CCDC27: variants seen among roughly 807,000 people sequenced by gnomAD.
CCDC27 encodes the protein coiled-coil domain containing 27.
A neutral mutation model predicts 80.3 loss-of-function variants in CCDC27; 80 were observed. The ratio of observed to expected loss-of-function variants is 1.00; its 90% CI spans 0.83 to 1.20. CCDC27 has a LOEUF of 1.20. Among genes scored for constraint, CCDC27 ranks in the 50% most tolerant of loss-of-function variants. The pLI is 0.00. For synonymous variants in CCDC27, 342 were observed against 334.3 expected, an observed-to-expected ratio of 1.02 and a Z score of -0.25; for missense variants, 815 against 809.4, an observed-to-expected ratio of 1.01 and a Z score of -0.08.
intron 4 of CCDC27, among the ~76,000 whole-genome samples, chr1:3,759,116 C>T (rs1180622502): frequency 6.6e-6 from 1 of 151,314 alleles, no homozygotes; most frequent in Admixed American, 6.6e-5. Context: ...ACTTGGGAGG[C>T]TGAGGCAGGA....
Position 3,768,785 on chromosome 1 carries a change from G to A in CCDC27, c.1744-998G>A, listed in dbSNP as rs1026155813. On this transcript the variant is annotated intron_variant, in intron 10 of 11. Coordinates refer to ENST00000294600, the MANE Select transcript of CCDC27 (RefSeq NM_152492.3). This position sits in a 1 kb window ranked among gnomAD's most constrained non-coding sequence, Gnocchi z 5.6. ...GTGGGGAAGTGAGGCTGGACACCCC[G>A]GGTAGCTGCCAACCTCTACCCTGGG... 7.2e-5 allele frequency among the ~76,000 whole-genome samples: 11 copies of A among 152,260 alleles called. 1 individual carries two copies. In the South Asian group the frequency reaches 1.2e-3, roughly 17 times the overall value.
At chr1:3,764,036 G>A (rs1204967168) in intron 8 of CCDC27, among the ~76,000 whole-genome samples, 200 bp downstream of exon 8, 6 of 152,168 alleles carry the variant, frequency 3.9e-5, no homozygotes, top group South Asian at 2.1e-4. Context: ...GGAGGCTGGA[G>A]CCCATGTGCC....
rs760149058 is a variant in CCDC27 at position 3,771,421 on chromosome 1, C to T, written c.1869C>T (p.Ser623=). 1 of 1,614,024 alleles carries T rather than the reference C, an allele frequency of 6.2e-7. No individual in the cohort carries two copies. Among genetic ancestry groups the T allele is most frequent in the Admixed American group, 1.7e-5 (1 of 60,018 alleles). The change falls in exon 12 of 12, where the codon AGC becomes AGT. Residue 623 remains serine, a synonymous_variant. Coordinates refer to ENST00000294600, the MANE Select transcript of CCDC27 (RefSeq NM_152492.3). ...TGTAGAGAATTATCTCAGAGAGAAG[C>T]GACTACTATAATCAGCTGAAGCAGA... is the stretch of plus-strand genomic sequence containing the variant. ...EALQRIISER[S]DYYNQLKQKG...
chr1:3,762,379 C>T (rs1486547245), intron 5 of CCDC27, among the ~76,000 whole-genome samples: 1 of 152,154 alleles, frequency 6.6e-6, no homozygotes, highest in Non-Finnish European at 1.5e-5. Flanking sequence ...TACTGCAAGG[C>T]CACTTGCTGG....
rs761906634 is a variant in CCDC27, at chr1:3,763,285, G to C, written c.1132G>C (p.Gly378Arg). Residue 378 changes from glycine to arginine, a missense_variant, in exon 7 of 12, where the codon GGG becomes CGG. Coordinates refer to ENST00000294600, the MANE Select transcript of CCDC27 (RefSeq NM_152492.3). The surrounding 1 kb of genome is among the most constrained non-coding windows in gnomAD (Gnocchi z 7.5). ...EGSEEEEEEE[G>R]DRDEDSEERE... ...AAGCGAGGAGGAGGAAGAGGAGGAAGGGGACAGGGATGAGGACTCAGAGGA... is the reference window on the plus strand; with the variant it reads ...AAGCGAGGAGGAGGAAGAGGAGGAACGGGACAGGGATGAGGACTCAGAGGA... 7 of 1,597,094 alleles carry C rather than the reference G, an allele frequency of 4.4e-6. No individual in the cohort carries two copies. In the Admixed American group the frequency reaches 1.2e-4, roughly 28 times the overall value.
rs138396548 is a variant in CCDC27 at position 3,761,902 on chromosome 1, C to T, written c.861+472C>T. 6.1e-3 allele frequency among the ~76,000 whole-genome samples: 924 copies of T among 152,140 alleles called. 7 individuals are homozygous for T. Among genetic ancestry groups the T allele is most frequent in the African/African-American group, 0.021 (852 of 41,496 alleles). ...TCATCTGCAGTGGTAGCTTGTATTACCCTGCCCTGGCCAGGAATCCCTTCT... is the reference window on the plus strand; with the variant it reads ...TCATCTGCAGTGGTAGCTTGTATTATCCTGCCCTGGCCAGGAATCCCTTCT... On this transcript the variant is annotated intron_variant, in intron 5 of 11. Transcript: ENST00000294600. This position sits in a 1 kb window ranked among gnomAD's most constrained non-coding sequence, Gnocchi z 5.0.
At chr1:3,764,688 C>G (rs572559047) in intron 8 of CCDC27, among the ~76,000 whole-genome samples, 121 of 152,324 alleles carry the variant, frequency 7.9e-4, no homozygotes, top group Non-Finnish European at 1.3e-3. Flanking sequence ...CTTTTGCTTT[C>G]TTGCCCTCTT....
In CCDC27 at chr1:3,769,412, C is replaced by A. The variant is rs1207715614; in HGVS notation, c.1744-371C>A. The stretch of plus-strand genomic sequence containing the variant: ...GCCAGGAAGTCCGCTCACTGCAGCT[C>A]CCCTGGGCAGTGGAGGATGGTCCAG... On this transcript the variant is annotated intron_variant, in intron 10 of 11. Coordinates refer to ENST00000294600, the MANE Select transcript of CCDC27 (RefSeq NM_152492.3). The surrounding 1 kb of genome is among the most constrained non-coding windows in gnomAD (Gnocchi z 4.6). 6.6e-6 allele frequency among the ~76,000 whole-genome samples: 1 copy of A among 152,184 alleles called. No individual in the cohort carries two copies. The highest frequency in any genetic ancestry group is 1.5e-5 in the Non-Finnish European group (1 of 68,036).
chr1:3,757,266 T>TA (rs1642980838), intron 4 of CCDC27: 1 of 155,936 alleles, frequency 6.4e-6, no homozygotes, highest in Non-Finnish European at 1.4e-5. Flanking sequence ...TATTCTTTTT[T>TA]AAATCTATAT....
chr1:3,756,852 A>G lies in CCDC27; in HGVS notation c.673A>G (p.Lys225Glu), dbSNP rs752112796. ...AGTCGCATCTCAGAGCTGCCTGAGAAAGAGGATGCCCTGGTACCTCTCAGT... is the reference window on the plus strand; with the variant it reads ...AGTCGCATCTCAGAGCTGCCTGAGAGAGAGGATGCCCTGGTACCTCTCAGT... Reference protein sequence around the residue: ...SSVASQSCLRKRMPWYLSVIH... With the variant: ...SSVASQSCLRERMPWYLSVIH... Residue 225 changes from lysine (K) to glutamate (E), a missense_variant, in exon 4 of 12, where the codon AAG (lysine) becomes GAG (glutamate). Coordinates refer to ENST00000294600, the MANE Select transcript of CCDC27 (RefSeq NM_152492.3). The G allele has an allele frequency of 2.5e-6, 4 of 1,613,796 alleles. No homozygotes were observed. In the East Asian group the frequency reaches 6.7e-5, roughly 27 times the overall value.
At chr1:3,762,181 C>G (rs1643102659) in intron 5 of CCDC27, among the ~76,000 whole-genome samples, 1 of 152,164 alleles carries the variant, frequency 6.6e-6, no homozygotes, top group Non-Finnish European at 1.5e-5. Flanking sequence ...GGCCCCTGAC[C>G]ATGCCAACTG....
In CCDC27 at chr1:3,754,149, G is replaced by C; in HGVS notation, c.350G>C (p.Gly117Ala). 2 of 1,613,616 alleles carry C rather than the reference G, an allele frequency of 1.2e-6. No homozygotes were observed. The highest frequency in any genetic ancestry group is 1.7e-6 in the Non-Finnish European group (2 of 1,179,802). Residue 117 changes from glycine to alanine, a missense_variant, in exon 2 of 12, where the codon GGC (glycine) becomes GCC (alanine). Gly to Ala is a moderately conservative substitution (Grantham distance 60). Coordinates refer to ENST00000294600, the MANE Select transcript of CCDC27 (RefSeq NM_152492.3). The part of the protein sequence containing the change: ...SEPKDAASLT[G>A]FMSKMELRRV... ...CCCAAGGATGCCGCCAGCCTCACCG[G>C]CTTCATGTCCAAAATGGAACTTCGA...
rs991442216 is a variant in CCDC27 at position 3,763,600 on chromosome 1, C to T, written c.1322-106C>T. 1.9e-6 allele frequency: 3 copies of T among 1,564,476 alleles called. No homozygotes were observed. The highest frequency in any genetic ancestry group is 2.6e-6 in the Non-Finnish European group (3 of 1,147,720). ...GCAGGGGCAGGTGTCGGCAGCCTCA[C>T]CCAGGCTGGCAGAGCCCTCCCAGCT... is the stretch of plus-strand genomic sequence containing the variant. On this transcript the variant is annotated intron_variant, in intron 7 of 11. Coordinates refer to ENST00000294600, the MANE Select transcript of CCDC27 (RefSeq NM_152492.3). The surrounding 1 kb of genome is among the most constrained non-coding windows in gnomAD (Gnocchi z 7.5).
In CCDC27 at chr1:3,754,237, C is replaced by G. The variant is rs1300013576; in HGVS notation, c.438C>G (p.His146Gln). 1.2e-6 allele frequency: 2 copies of G among 1,601,338 alleles called. No individual in the cohort carries two copies. Among genetic ancestry groups the G allele is most frequent in the African/African-American group, 2.7e-5 (2 of 74,082 alleles). Residue 146 changes from histidine to glutamine, a missense_variant, in exon 2 of 12, where the codon CAC becomes CAG. Coordinates refer to ENST00000294600, the MANE Select transcript of CCDC27 (RefSeq NM_152492.3). ...QFSTRATSMSHCGSPTEADLS... is the reference protein window; with the variant it reads ...QFSTRATSMSQCGSPTEADLS... ...GCACCAGGGCCACATCCATGTCCCA[C>G]TGTGGTAAGAGCCCCCCACCAGGAC...
intron 6 of CCDC27, 182 bp downstream of exon 6, chr1:3,762,894 T>A: frequency 1.3e-6 from 1 of 782,262 alleles, no homozygotes; most frequent in Non-Finnish European, 2.0e-6. Context: ...ACAGGTCAGG[T>A]GCAGTCTACT....
chr1:3,752,952 G>T (rs920358205), intron 1 of CCDC27, among the ~76,000 whole-genome samples, 153 bp downstream of exon 1: 1 of 152,218 alleles, frequency 6.6e-6, no homozygotes, highest in Non-Finnish European at 1.5e-5. Context: ...GCAACGAATT[G>T]AGCGCTAGGG....
chr1:3,755,212 C>T lies in CCDC27; in HGVS notation c.443-245C>T, dbSNP rs80129211. Among the ~76,000 whole-genome samples, 2,900 of 152,222 alleles carry T rather than the reference C, an allele frequency of 0.019. 210 individuals carry two copies. In the East Asian group the frequency reaches 0.22, roughly 12 times the overall value. ...CGAAGGAAAGTAGGGTCTGCCCCTC[C>T]GGGGGAAAGGGGGCATCAGCTAGAG... is the stretch of plus-strand genomic sequence containing the variant. On this transcript the variant is annotated intron_variant, in intron 2 of 11. Coordinates refer to ENST00000294600, the MANE Select transcript of CCDC27 (RefSeq NM_152492.3).
intron 1 of CCDC27, 42 bp from the exon 2 acceptor site, chr1:3,754,076 C>A: frequency 6.2e-7 from 1 of 1,604,434 alleles, no homozygotes; most frequent in South Asian, 1.1e-5. Flanking sequence ...GGCCTACAGT[C>A]AGGGGCCTTC....
At chr1:3,755,759 G>A in intron 3 of CCDC27, 192 bp downstream of exon 3, 1 of 593,416 alleles carries the variant, frequency 1.7e-6, no homozygotes. Context: ...AGCATAGGCT[G>A]CAGTCCCCCC....
Sources: allele counts gnomAD v4.1 joint callset (sites outside exome capture counted in the v4.1 genomes callset), GRCh38; gene constraint gnomAD v4.1.1; non-coding constraint Gnocchi (gnomAD v3.1); transcripts MANE v1.5; gene names NCBI Gene and HGNC (gene_info 2026-07-23, HGNC 2026-07-21).